Variants in KIF26B observed in about 807,000 individuals in gnomAD.
KIF26B encodes the protein kinesin-like protein KIF26B.
A neutral mutation model predicts 151.2 loss-of-function variants in KIF26B; 63 were observed. The observed-to-expected ratio is 0.42, with a 90% CI of 0.34 to 0.51. The LOEUF (loss-of-function observed/expected upper bound fraction) is 0.51. Ranked by LOEUF, KIF26B falls within the 20% of genes least tolerant of loss-of-function variation. The pLI, the probability that KIF26B is intolerant of heterozygous loss-of-function variation, is 0.07. For synonymous variants in KIF26B, 1,357 were observed against 1,262.1 expected (o/e 1.08, Z -1.59); for missense variants, 2,813 against 2,913.6 (o/e 0.97, Z 0.79).
In KIF26B at chr1:245,602,015, G is replaced by A. The variant is rs539745729; in HGVS notation, c.1351-562G>A. 1.3e-5 allele frequency among the ~76,000 whole-genome samples: 2 copies of A among 152,268 alleles called. No individual in the cohort carries two copies. The highest frequency in any genetic ancestry group is 2.9e-5 in the Non-Finnish European group (2 of 68,042). On this transcript the variant is annotated intron_variant, in intron 5 of 14. Coordinates refer to ENST00000407071, the MANE Select transcript of KIF26B (RefSeq NM_018012.4). The surrounding 1 kb of genome is among the most constrained non-coding windows in gnomAD (Gnocchi z 4.5). ...CGCTTAATGGGATCCCAAATAACAC[G>A]TCGCAGACCAGTCTTTTATCACTGT...
In KIF26B at chr1:245,688,683, C is replaced by T. The variant is rs372281169; in HGVS notation, c.5700C>T (p.Ser1900=). The change falls in exon 12 of 15, where the codon AGC becomes AGT. Residue 1900 remains serine, a synonymous_variant. Coordinates refer to ENST00000407071, the MANE Select transcript of KIF26B (RefSeq NM_018012.4). ...GCGGCGGCAGCAGCGGCTACGAGAG[C>T]GTGATGCGGGACAGCGAGGCCACCG... ...YHSGGSSGYE[S]VMRDSEATGS... is the part of the protein sequence containing the mutation. 96 of 1,605,822 alleles carry T rather than the reference C, an allele frequency of 6.0e-5. No homozygotes were observed. The highest frequency in any genetic ancestry group is 9.3e-5 in the African/African-American group (7 of 74,926).
At chr1:245,616,364 A>G (rs1387653975) in intron 9 of KIF26B, among the ~76,000 whole-genome samples, 1 of 152,224 alleles carries the variant, frequency 6.6e-6, no homozygotes, top group East Asian at 1.9e-4. Context: ...CGGGAATCCC[A>G]GCACTGGGAA....
intron 2 of KIF26B, among the ~76,000 whole-genome samples, chr1:245,276,018 G>C (rs6658420): frequency 6.6e-6 from 1 of 151,924 alleles, no homozygotes; most frequent in Non-Finnish European, 1.5e-5. Flanking sequence ...CTATTGTATG[G>C]GAAAATTTGC....
At chr1:245,619,763 A>C (rs572984045) in intron 9 of KIF26B, among the ~76,000 whole-genome samples, 1 of 151,280 alleles carries the variant, frequency 6.6e-6, no homozygotes, top group African/African-American at 2.4e-5. Context: ...AAATACAAAA[A>C]TTAGCCAGGC....
rs1420303471 is a variant in KIF26B at position 245,685,505 on chromosome 1, C to G, written c.2522C>G (p.Pro841Arg). ...RPFHTRATVD[P>R]DFPIAHLSSD... ...TTCCACACCAGGGCCACGGTGGACC[C>G]TGACTTCCCCATCGCTCACCTGTCC... Residue 841 changes from proline (P) to arginine (R), a missense_variant, in exon 12 of 15, where the codon CCT becomes CGT. Transcript: ENST00000407071. 6.2e-7 allele frequency: 1 copy of G among 1,613,754 alleles called. No individual in the cohort carries two copies. The highest frequency in any genetic ancestry group is 1.7e-5 in the Admixed American group (1 of 60,020).
intron 10 of KIF26B, among the ~76,000 whole-genome samples, chr1:245,653,182 A>C (rs945461897): frequency 1.3e-5 from 2 of 152,166 alleles, no homozygotes; most frequent in African/African-American, 4.8e-5. Context: ...GCTGTCACCC[A>C]GGCTCACGTT....
intron 3 of KIF26B, among the ~76,000 whole-genome samples, chr1:245,406,428 G>A (rs2103029486): frequency 6.6e-6 from 1 of 152,270 alleles, no homozygotes; most frequent in Non-Finnish European, 1.5e-5. Flanking sequence ...ATAATGCACT[G>A]CTGGTTGCCT....
chr1:245,353,202 G>C (rs1185231495), intron 2 of KIF26B, among the ~76,000 whole-genome samples: 1 of 152,172 alleles, frequency 6.6e-6, no homozygotes, highest in Non-Finnish European at 1.5e-5. Flanking sequence ...GTGTTGGAAT[G>C]ACTAGAGGCA....
At chr1:245,570,366 C>T (rs963687046) in intron 5 of KIF26B, among the ~76,000 whole-genome samples, 10 of 152,168 alleles carry the variant, frequency 6.6e-5, no homozygotes. Context: ...GGTCCATCAC[C>T]AAATTCTGTT....
chr1:245,463,357 A>G (rs1360631485), intron 4 of KIF26B, among the ~76,000 whole-genome samples: 1 of 152,178 alleles, frequency 6.6e-6, no homozygotes, highest in African/African-American at 2.4e-5. Context: ...ACCAGGATTC[A>G]TGCAATGGTG....
At chr1:245,659,526 A>G (rs1012526677) in intron 10 of KIF26B, among the ~76,000 whole-genome samples, 8 of 152,286 alleles carry the variant, frequency 5.3e-5, no homozygotes, top group African/African-American at 1.9e-4. Context: ...CTATTTTCTG[A>G]GCCAGATAAA....
intron 2 of KIF26B, among the ~76,000 whole-genome samples, chr1:245,280,623 C>CT (rs1164779507): frequency 2.8e-5 from 2 of 71,096 alleles, no homozygotes; most frequent in African/African-American, 6.0e-5. Flanking sequence ...TTTTTTTATA[C>CT]TTTAAGTTTT....
chr1:245,547,783 A>G (rs1661781309), intron 5 of KIF26B, among the ~76,000 whole-genome samples: 1 of 152,092 alleles, frequency 6.6e-6, no homozygotes, highest in African/African-American at 2.4e-5. Context: ...CTACATATAA[A>G]ATACTCATTT....
chr1:245,678,669 G>C (rs34673063), intron 10 of KIF26B, among the ~76,000 whole-genome samples: 7,993 of 151,874 alleles, frequency 0.053, 229 homozygotes, highest in Middle Eastern at 0.082. Flanking sequence ...TGAGACCATC[G>C]TGGCCAACAT....
intron 2 of KIF26B, among the ~76,000 whole-genome samples, chr1:245,337,069 T>G (rs1422492060): frequency 6.6e-6 from 1 of 152,162 alleles, no homozygotes; most frequent in Non-Finnish European, 1.5e-5. Flanking sequence ...GAGTGGGCAT[T>G]TTGGTTTATC....
At chr1:245,392,944 G>T (rs569625158) in intron 3 of KIF26B, among the ~76,000 whole-genome samples, 1 of 152,136 alleles carries the variant, frequency 6.6e-6, no homozygotes, top group East Asian at 1.9e-4. Flanking sequence ...GTCATAGTGG[G>T]TGGATCACCT....
At position 245,488,316 on chromosome 1, in the gene KIF26B, A is replaced by G. The variant is rs565892695; in HGVS notation, c.1167-52451A>G. ...AAAAGAATCCTCTAACCATATGGGG[A>G]AAAAAAAAAATCAGCAACAACTTTG... On this transcript the variant is annotated intron_variant, in intron 4 of 14. Coordinates refer to ENST00000407071, the MANE Select transcript of KIF26B (RefSeq NM_018012.4). This position sits in a 1 kb window ranked among gnomAD's most constrained non-coding sequence, Gnocchi z 4.6. Among the ~76,000 whole-genome samples the G allele has an allele frequency of 4.8e-5, 7 of 145,842 alleles. No homozygotes were observed. The highest frequency in any genetic ancestry group is 2.7e-4 in the Admixed American group (4 of 14,678).
intron 2 of KIF26B, among the ~76,000 whole-genome samples, chr1:245,211,225 A>G (rs868713660): frequency 2.0e-5 from 3 of 152,114 alleles, no homozygotes; most frequent in East Asian, 1.9e-4. Context: ...ATCCCCAGAC[A>G]TGTGTCTGAG....
At chr1:245,532,285 G>C (rs561646819) in intron 4 of KIF26B, among the ~76,000 whole-genome samples, 1 of 128,112 alleles carries the variant, frequency 7.8e-6, no homozygotes, top group Non-Finnish European at 1.6e-5. Context: ...TTGCTCTGTC[G>C]CCCAGGCTGG....
Sources: allele counts gnomAD v4.1 joint callset (sites outside exome capture counted in the v4.1 genomes callset), GRCh38; gene constraint gnomAD v4.1.1; non-coding constraint Gnocchi (gnomAD v3.1); transcripts MANE v1.5; gene names NCBI Gene and HGNC (gene_info 2026-07-23, HGNC 2026-07-21).